Variants in KAZN observed in about 807,000 individuals in gnomAD.
The protein encoded by KAZN is kazrin.
Under a neutral mutation model 87.4 loss-of-function variants are expected in KAZN, and 40 were observed. The observed-to-expected ratio is 0.46, with a 90% CI of 0.36 to 0.60. KAZN has a LOEUF of 0.60. Ranked by LOEUF, KAZN falls within the 20% of genes least tolerant of loss-of-function variation. The probability of loss-of-function intolerance (pLI) is 0.00; values close to 1 mark genes in which losing one functional copy is unlikely to be tolerated. For synonymous variants in KAZN, 466 were observed against 458.3 expected, an observed-to-expected ratio of 1.02 and a Z score of -0.22; for missense variants, 898 against 1,073.9, an observed-to-expected ratio of 0.84 and a Z score of 2.29.
At chr1:15,039,456 C>T (rs1185819364) in intron 3 of KAZN, among the ~76,000 whole-genome samples, 4 of 151,830 alleles carry the variant, frequency 2.6e-5, no homozygotes, top group Non-Finnish European at 5.9e-5. Context: ...TTTCAACAAC[C>T]CAAGGCCGAC....
chr1:14,678,385 GCGAGGGGCTCTCGGGCCTTTGGC>G (rs986195541), intron 1 of KAZN, among the ~76,000 whole-genome samples: 3 of 152,188 alleles, frequency 2.0e-5, no homozygotes, highest in African/African-American at 7.2e-5. Context: ...CCAGTGGTTT[GCGAGGGGCTCTCGGGCCTTTGGC>G]CACAGACTGC....
chr1:14,509,201 C>G (rs796964602), intron 2 of KAZN, among the ~76,000 whole-genome samples: 1 of 152,236 alleles, frequency 6.6e-6, no homozygotes, highest in African/African-American at 2.4e-5. Context: ...GCTGACCGTG[C>G]TCCAGGACCT....
intron 2 of KAZN, among the ~76,000 whole-genome samples, chr1:14,359,001 G>C (rs1450956356): frequency 1.3e-5 from 2 of 151,900 alleles, no homozygotes; most frequent in African/African-American, 2.4e-5. Flanking sequence ...CTGTCTCATT[G>C]ATCTAATATT....
intron 13 of KAZN, among the ~76,000 whole-genome samples, chr1:15,109,789 GTGTGTA>G (rs1312277224): frequency 0.047 from 1,437 of 30,740 alleles, 8 homozygotes; most frequent in South Asian, 0.18. Flanking sequence ...ATATGTGTTT[GTGTGTA>G]TGTGTATGTG....
At chr1:14,931,958 C>T (rs957203135) in intron 1 of KAZN, among the ~76,000 whole-genome samples, 5 of 152,154 alleles carry the variant, frequency 3.3e-5, no homozygotes, top group Admixed American at 2.6e-4. Context: ...TAGAAAGAGG[C>T]ACGTGCCTTT....
chr1:13,917,457 C>T (rs1639895374), intron 1 of KAZN, among the ~76,000 whole-genome samples: 1 of 152,096 alleles, frequency 6.6e-6, no homozygotes, highest in Admixed American at 6.5e-5. Context: ...TAAATTGAAG[C>T]CAATGCTCAT....
At chr1:13,937,122 C>T (rs1029187250) in intron 1 of KAZN, among the ~76,000 whole-genome samples, 1 of 151,514 alleles carries the variant, frequency 6.6e-6, no homozygotes, top group African/African-American at 2.4e-5. Flanking sequence ...TCTCAGCTCA[C>T]CATTACCTCT....
intron 1 of KAZN, among the ~76,000 whole-genome samples, chr1:14,611,716 C>T (rs1369424118): frequency 6.6e-6 from 1 of 152,000 alleles, no homozygotes; most frequent in Non-Finnish European, 1.5e-5. Flanking sequence ...TTAAGATTTC[C>T]CCAAACTACT....
Position 14,557,371 on chromosome 1 carries a change from T to G in KAZN, c.250-41612T>G, listed in dbSNP as rs568374896. The stretch of plus-strand genomic sequence containing the variant: ...TGGGTACCAGTTAAAGGAAAAATCT[T>G]TGCAGTCCCTGGACTAAAAATCAAA... On this transcript the variant is annotated intron_variant, in intron 2 of 16. Coordinates refer to the KAZN transcript ENST00000636203. Among the ~76,000 whole-genome samples the G allele has an allele frequency of 2.6e-5, 4 of 152,220 alleles. No individual in the cohort carries two copies. In the East Asian group the frequency reaches 5.8e-4, roughly 22 times the overall value.
intron 1 of KAZN, among the ~76,000 whole-genome samples, chr1:14,766,265 C>T (rs1193547800): frequency 6.6e-6 from 1 of 152,092 alleles, no homozygotes; most frequent in African/African-American, 2.4e-5. Flanking sequence ...CTAGTCACAG[C>T]TCCTGGGCTG....
intron 1 of KAZN, among the ~76,000 whole-genome samples, chr1:14,817,219 A>G (rs1311365697): frequency 6.6e-6 from 1 of 152,188 alleles, no homozygotes; most frequent in Admixed American, 6.5e-5. Flanking sequence ...ACTGTGCAGC[A>G]TATATCTTGG....
chr1:14,092,460 TTA>T lies in KAZN; in HGVS notation c.92-87964_92-87963del, dbSNP rs749892358. Among the ~76,000 whole-genome samples, 24 of 149,946 alleles carry T rather than the reference TTA, an allele frequency of 1.6e-4. No individual in the cohort carries two copies. In the East Asian group the frequency reaches 2.3e-3, roughly 15 times the overall value. On this transcript the variant is annotated intron_variant, in intron 1 of 16. Transcript: ENST00000636203. ...TAACAGTAATAAATAAATAAATAAATTATATATATATACACACACACAACACA... is the reference window on the plus strand; with the variant it reads ...TAACAGTAATAAATAAATAAATAAATTATATATATACACACACACAACACA...
At chr1:14,302,557 G>T (rs907899513) in intron 2 of KAZN, among the ~76,000 whole-genome samples, 46 of 152,186 alleles carry the variant, frequency 3.0e-4, no homozygotes, top group Non-Finnish European at 5.0e-4. Flanking sequence ...AAGAATAAAG[G>T]TTAGATTCCA....
At chr1:14,952,272 G>GTGTA (rs1251783056) in intron 1 of KAZN, among the ~76,000 whole-genome samples, 29 of 148,728 alleles carry the variant, frequency 1.9e-4, no homozygotes, top group African/African-American at 5.9e-4. Flanking sequence ...GTGTGTGTGT[G>GTGTA]TGTGTCTCAA....
intron 2 of KAZN, among the ~76,000 whole-genome samples, chr1:14,962,210 G>A (rs1165759016): frequency 6.6e-6 from 1 of 152,230 alleles, no homozygotes; most frequent in South Asian, 2.1e-4. Context: ...AGAAAGCCTG[G>A]GAAGTCCTCA....
At chr1:14,826,773 C>G (rs1572584824) in intron 1 of KAZN, among the ~76,000 whole-genome samples, 2 of 152,144 alleles carry the variant, frequency 1.3e-5, no homozygotes. Context: ...TTCCTGTTTC[C>G]CATTGGTAAG....
intron 1 of KAZN, among the ~76,000 whole-genome samples, chr1:13,943,545 G>C (rs75390590): frequency 2.6e-5 from 4 of 151,292 alleles, no homozygotes. Flanking sequence ...TTCAGAAAAA[G>C]AAAAAAAATC....
At chr1:13,930,883 T>C (rs966778058) in intron 1 of KAZN, among the ~76,000 whole-genome samples, 10 of 152,194 alleles carry the variant, frequency 6.6e-5, no homozygotes, top group African/African-American at 2.4e-4. Flanking sequence ...CAGTGGTCCT[T>C]AGGGGGTCCT....
intron 1 of KAZN, among the ~76,000 whole-genome samples, chr1:14,879,642 A>G (rs1229860472): frequency 6.6e-6 from 1 of 151,814 alleles, no homozygotes; most frequent in African/African-American, 2.4e-5. Context: ...CTTCATTCTG[A>G]AAAATCTACA....
Sources: allele counts gnomAD v4.1 joint callset (sites outside exome capture counted in the v4.1 genomes callset), GRCh38; gene constraint gnomAD v4.1.1; transcripts MANE v1.5; gene names NCBI Gene and HGNC (gene_info 2026-07-23, HGNC 2026-07-21).